Variants in MMD2 observed in about 807,000 individuals in gnomAD.
MMD2 encodes monocyte to macrophage differentiation factor 2.
A neutral mutation model predicts 33.5 loss-of-function variants in MMD2; 30 were observed. The ratio of observed to expected loss-of-function variants is 0.90; its 90% CI spans 0.67 to 1.22. The LOEUF (loss-of-function observed/expected upper bound fraction) is 1.22. Ranked by LOEUF, MMD2 falls within the 50% of genes most tolerant of loss-of-function variation. The pLI is 0.00. For synonymous variants in MMD2, 129 were observed against 123.0 expected, an observed-to-expected ratio of 1.05 and a Z score of -0.32; for missense variants, 364 against 325.4, an observed-to-expected ratio of 1.12 and a Z score of -0.91.
At chr7:4,911,866 G>A (rs561805154) in intron 4 of MMD2, among the ~76,000 whole-genome samples, 3 of 151,962 alleles carry the variant, frequency 2.0e-5, no homozygotes, top group South Asian at 2.1e-4. Flanking sequence ...CAAGCTGGTC[G>A]CGAACTCCTG....
At chr7:4,899,879 G>A in the MMD2 span, among the ~76,000 whole-genome samples, 1 of 152,184 alleles carries the variant, frequency 6.6e-6, no homozygotes, top group African/African-American at 2.4e-5. Flanking sequence ...CAGCCAGGAT[G>A]TAGCACCCTC....
the MMD2 span, among the ~76,000 whole-genome samples, chr7:4,894,297 G>A: frequency 1.3e-5 from 2 of 152,156 alleles, no homozygotes; most frequent in Non-Finnish European, 2.9e-5. The surrounding 1 kb of genome is among the most constrained non-coding windows in gnomAD (Gnocchi z 4.3). Context: ...CAGGCCACAC[G>A]CAGAAGTCAC....
chr7:4,897,367 T>C, the MMD2 span, among the ~76,000 whole-genome samples: 2 of 152,148 alleles, frequency 1.3e-5, no homozygotes, highest in African/African-American at 4.8e-5. Flanking sequence ...TATCAAATAC[T>C]GTGTTAATAC....
At chr7:4,952,532 G>A (rs930667717) in intron 1 of MMD2, among the ~76,000 whole-genome samples, 20 of 152,232 alleles carry the variant, frequency 1.3e-4, no homozygotes, top group Admixed American at 1.1e-3. Context: ...TCAGCCCATC[G>A]TTTATTTGGC....
intron 2 of MMD2, among the ~76,000 whole-genome samples, chr7:4,922,242 C>T (rs865785282): frequency 1.3e-5 from 2 of 151,566 alleles, no homozygotes; most frequent in Admixed American, 1.3e-4. Flanking sequence ...AAAGAAATCA[C>T]TTTCATCAAT....
downstream of MMD2, among the ~76,000 whole-genome samples, chr7:4,905,185 G>T (rs1327532871): frequency 1.3e-5 from 2 of 151,672 alleles, no homozygotes; most frequent in African/African-American, 2.4e-5. This position sits in a 1 kb window ranked among gnomAD's most constrained non-coding sequence, Gnocchi z 5.0. Flanking sequence ...CACTAAAGAA[G>T]TCCCAAGTCA....
chr7:4,911,862 G>T lies in MMD2; in HGVS notation c.366-616C>A, dbSNP rs1217835360. Among the ~76,000 whole-genome samples the T allele has an allele frequency of 3.3e-5, 5 of 152,014 alleles. No individual in the cohort carries two copies. In the East Asian group the frequency reaches 9.7e-4, roughly 29 times the overall value. ...GGGGTTTCTCCATGTTGGCCAAGCTGGTCGCGAACTCCTGACCTCAGGTGA... is the reference window on the plus strand; with the variant it reads ...GGGGTTTCTCCATGTTGGCCAAGCTTGTCGCGAACTCCTGACCTCAGGTGA... On this transcript the variant is annotated intron_variant, in intron 4 of 6. Coordinates refer to ENST00000401401, the MANE Select transcript of MMD2 (RefSeq NM_198403.4).
At chr7:4,898,862 G>A in the MMD2 span, among the ~76,000 whole-genome samples, 19 of 152,024 alleles carry the variant, frequency 1.2e-4, no homozygotes, top group African/African-American at 1.7e-4. Flanking sequence ...TCACACTATC[G>A]CACTCCAGCC....
intron 1 of MMD2, among the ~76,000 whole-genome samples, chr7:4,936,936 A>T (rs1785757630): frequency 6.7e-6 from 1 of 150,198 alleles, no homozygotes; most frequent in South Asian, 2.2e-4. Context: ...GGGTTTCACC[A>T]TGTTGGTCAG....
At chr7:4,921,130 C>G (rs545152549) in intron 2 of MMD2, among the ~76,000 whole-genome samples, 5 of 152,080 alleles carry the variant, frequency 3.3e-5, no homozygotes, top group Non-Finnish European at 7.4e-5. Context: ...GGTCAAAGAC[C>G]ACGTCCCAGA....
At chr7:4,925,006 C>T (rs1477725822) in intron 2 of MMD2, among the ~76,000 whole-genome samples, 3 of 152,154 alleles carry the variant, frequency 2.0e-5, no homozygotes, top group Non-Finnish European at 4.4e-5. Flanking sequence ...TCTCGGCTCA[C>T]TGCAACCTCC....
At chr7:4,943,010 T>C (rs1189892004) in intron 1 of MMD2, among the ~76,000 whole-genome samples, 5 of 138,760 alleles carry the variant, frequency 3.6e-5, no homozygotes, top group East Asian at 4.3e-4. Flanking sequence ...TTTTCTTTTT[T>C]TTTTTTTTTT....
chr7:4,901,476 A>G (rs1057151382), downstream of MMD2, among the ~76,000 whole-genome samples: 5 of 152,290 alleles, frequency 3.3e-5, no homozygotes, highest in East Asian at 9.6e-4. Context: ...AACCAAACAG[A>G]AAAAACTCAA....
chr7:4,954,693 A>G (rs1168826591), intron 1 of MMD2, among the ~76,000 whole-genome samples: 2 of 152,206 alleles, frequency 1.3e-5, no homozygotes, highest in Admixed American at 6.5e-5. Flanking sequence ...TGTTGGGATT[A>G]CAGGCATAAG....
intron 3 of MMD2, among the ~76,000 whole-genome samples, chr7:4,917,139 G>A (rs1785161838): frequency 6.6e-6 from 1 of 152,116 alleles, no homozygotes; most frequent in South Asian, 2.1e-4. Flanking sequence ...ACATTCTAAT[G>A]CTAGAAGAGC....
chr7:4,915,163 T>C (rs965895571), intron 4 of MMD2, among the ~76,000 whole-genome samples: 9 of 151,352 alleles, frequency 5.9e-5, no homozygotes, highest in African/African-American at 2.2e-4. Context: ...CCCAGCTACT[T>C]GGGAGGCTGA....
In MMD2 at chr7:4,946,938, T is replaced by G. The variant is rs1301939110; in HGVS notation, c.47+12033A>C. On this transcript the variant is annotated intron_variant, in intron 1 of 6. Coordinates refer to ENST00000401401, the MANE Select transcript of MMD2 (RefSeq NM_198403.4). This position sits in a 1 kb window ranked among gnomAD's most constrained non-coding sequence, Gnocchi z 5.0. ...GAAAAGGAGTTTAGGCTGGGTGTGGTGGCTCATACCTGTAATCCCAGCACT... is the reference window on the plus strand; with the variant it reads ...GAAAAGGAGTTTAGGCTGGGTGTGGGGGCTCATACCTGTAATCCCAGCACT... 6.6e-6 allele frequency among the ~76,000 whole-genome samples: 1 copy of G among 152,126 alleles called. No homozygotes were observed. The highest frequency in any genetic ancestry group is 1.5e-5 in the Non-Finnish European group (1 of 68,026).
intron 1 of MMD2, among the ~76,000 whole-genome samples, chr7:4,926,845 C>T (rs969159632): frequency 1.3e-5 from 2 of 151,902 alleles, no homozygotes; most frequent in African/African-American, 2.4e-5. Flanking sequence ...CCTGGGTTCA[C>T]GCCATTCTCC....
chr7:4,937,267 C>T (rs373253279), intron 1 of MMD2, among the ~76,000 whole-genome samples: 9 of 151,334 alleles, frequency 5.9e-5, no homozygotes, highest in Non-Finnish European at 1.3e-4. Context: ...CACAGTGGCG[C>T]GCACCTGTAA....
Sources: gnomAD v4.1 joint callset for allele counts (sites outside exome capture counted in the v4.1 genomes callset) on GRCh38, gnomAD v4.1.1 for gene constraint, Gnocchi (gnomAD v3.1) non-coding constraint, MANE v1.5 for transcripts, NCBI Gene and HGNC (gene_info 2026-07-23, HGNC 2026-07-21) for gene names.